Variants in GNB4 observed in about 807,000 individuals in gnomAD.
GNB4 encodes the protein G protein subunit beta 4, also known as guanine nucleotide-binding protein subunit beta-4.
Under a neutral mutation model 45.2 loss-of-function variants are expected in GNB4, and 28 were observed. The ratio of observed to expected loss-of-function variants is 0.62; its 90% CI spans 0.46 to 0.85. The LOEUF is 0.85. Among genes scored for constraint, GNB4 ranks in the 40% least tolerant of loss-of-function variants. The probability of loss-of-function intolerance (pLI) is 0.00; values close to 1 mark genes in which losing one functional copy is unlikely to be tolerated. For synonymous variants in GNB4, 132 were observed against 143.7 expected, an observed-to-expected ratio of 0.92 and a Z score of 0.58; for missense variants, 321 against 425.4, an observed-to-expected ratio of 0.75 and a Z score of 2.16.
intron 8 of GNB4, among the ~76,000 whole-genome samples, chr3:179,413,051 T>G (rs1173568485): frequency 6.6e-6 from 1 of 151,810 alleles, no homozygotes; most frequent in Admixed American, 6.6e-5. Context: ...TGGTGGTGTG[T>G]ACCTGTAATC....
chr3:179,472,069 T>C, the GNB4 span, among the ~76,000 whole-genome samples: 1 of 152,224 alleles, frequency 6.6e-6, no homozygotes, highest in Admixed American at 6.5e-5. Context: ...GTCACAAATA[T>C]TATTTTTTAT....
Position 179,420,908 on chromosome 3 carries a change from T to C in GNB4, c.77A>G (p.Asn26Ser), listed in dbSNP as rs773316571. The change falls in exon 3 of 10, where the codon AAT (asparagine) becomes AGT (serine). Residue 26 changes from asparagine (N) to serine (S), a missense_variant. Asn to Ser is a conservative substitution (Grantham distance 46, BLOSUM62 1). Coordinates refer to ENST00000232564, the MANE Select transcript of GNB4 (RefSeq NM_021629.4). ...CTTTACCTGAACAAGCGTTGCATCA[T>C]TACATGCTTTCCGAGCATCCTGAAG... Reference protein sequence around the residue: ...NQIQDARKACNDATLVQITSN... With the variant: ...NQIQDARKACSDATLVQITSN... 6.3e-7 allele frequency: 1 copy of C among 1,591,278 alleles called. No individual in the cohort carries two copies.
the GNB4 span, among the ~76,000 whole-genome samples, chr3:179,464,148 G>T: frequency 6.6e-6 from 1 of 151,968 alleles, no homozygotes; most frequent in South Asian, 2.1e-4. Context: ...CCCCTCCTCT[G>T]GGCCAAGGGC....
At chr3:179,523,098 G>A in the GNB4 span, among the ~76,000 whole-genome samples, 2 of 150,876 alleles carry the variant, frequency 1.3e-5, no homozygotes, top group African/African-American at 4.8e-5. Flanking sequence ...GTATCCAAAT[G>A]TGGAAGTACC....
At chr3:179,521,093 A>T in the GNB4 span, among the ~76,000 whole-genome samples, 2 of 152,254 alleles carry the variant, frequency 1.3e-5, no homozygotes, top group South Asian at 2.1e-4. Context: ...GATATTACTC[A>T]CATGCCCCAA....
chr3:179,446,166 A>G (rs1455057050), intron 1 of GNB4, among the ~76,000 whole-genome samples: 2 of 152,250 alleles, frequency 1.3e-5, no homozygotes, highest in East Asian at 3.8e-4. Context: ...TATTGCTCCA[A>G]AGGAAATTCT....
At chr3:179,506,712 A>G in the GNB4 span, among the ~76,000 whole-genome samples, 2 of 152,150 alleles carry the variant, frequency 1.3e-5, no homozygotes, top group Non-Finnish European at 2.9e-5. Flanking sequence ...GAAGTCAGTT[A>G]CTTTCTTCAT....
chr3:179,477,716 A>G, the GNB4 span, among the ~76,000 whole-genome samples: 1 of 152,134 alleles, frequency 6.6e-6, no homozygotes, highest in African/African-American at 2.4e-5. Context: ...TATTTTTTTA[A>G]TGTAAAAAAT....
chr3:179,412,913 C>T (rs1714691561), intron 8 of GNB4, among the ~76,000 whole-genome samples: 1 of 151,898 alleles, frequency 6.6e-6, no homozygotes, highest in African/African-American at 2.4e-5. Flanking sequence ...GGAACAGTGG[C>T]TCATGCCTGT....
At chr3:179,484,750 C>T in the GNB4 span, among the ~76,000 whole-genome samples, 1 of 151,720 alleles carries the variant, frequency 6.6e-6, no homozygotes, top group East Asian at 1.9e-4. Context: ...AATTTTCTTC[C>T]GACATTAGTT....
At chr3:179,468,442 C>A in the GNB4 span, among the ~76,000 whole-genome samples, 1 of 151,794 alleles carries the variant, frequency 6.6e-6, no homozygotes, top group African/African-American at 2.4e-5. Context: ...TTGCGGTAAG[C>A]CGAGATCATA....
chr3:179,443,133 C>T (rs1195991106), intron 1 of GNB4, among the ~76,000 whole-genome samples: 4 of 152,188 alleles, frequency 2.6e-5, no homozygotes, highest in African/African-American at 9.7e-5. Flanking sequence ...CAAGCATTAC[C>T]ATCTAGCTTA....
the GNB4 span, among the ~76,000 whole-genome samples, chr3:179,478,876 T>C: frequency 3.3e-5 from 5 of 152,208 alleles, no homozygotes; most frequent in African/African-American, 1.2e-4. Context: ...TCATGATATC[T>C]GGTTGTTTAG....
intron 8 of GNB4, among the ~76,000 whole-genome samples, chr3:179,409,192 A>G (rs1389757825): frequency 6.6e-6 from 1 of 151,704 alleles, no homozygotes; most frequent in Non-Finnish European, 1.5e-5. Flanking sequence ...TTCCAAATCA[A>G]TGACATCAGC....
intron 1 of GNB4, among the ~76,000 whole-genome samples, chr3:179,438,797 A>AG (rs1242530201): frequency 6.6e-6 from 1 of 152,164 alleles, no homozygotes; most frequent in Non-Finnish European, 1.5e-5. Context: ...GTGGTTTCAA[A>AG]GGGGGAGAGA....
the GNB4 span, among the ~76,000 whole-genome samples, chr3:179,464,028 T>C: frequency 6.6e-6 from 1 of 152,202 alleles, no homozygotes; most frequent in African/African-American, 2.4e-5. Context: ...AATCAATGTG[T>C]TACTTCACTT....
chr3:179,512,415 A>G, the GNB4 span, among the ~76,000 whole-genome samples: 3 of 152,240 alleles, frequency 2.0e-5, no homozygotes, highest in Non-Finnish European at 2.9e-5. Flanking sequence ...TTCAAATGCT[A>G]CATTTAGAGA....
At position 179,399,787 on chromosome 3, in the gene GNB4, CAA is replaced by C. The variant is rs1714231092; in HGVS notation, c.*1424_*1425del. ...TCTGAAAAGTAACTAAGTTACAAAA[CAA>C]TGCACGTCTATATATCAGAATAATC... On this transcript the variant is annotated 3_prime_UTR_variant, in exon 10 of 10. Coordinates refer to ENST00000232564, the MANE Select transcript of GNB4 (RefSeq NM_021629.4). 1 of 152,148 alleles carries C rather than the reference CAA, an allele frequency of 6.6e-6. No individual in the cohort carries two copies. The highest frequency in any genetic ancestry group is 1.5e-5 in the Non-Finnish European group (1 of 68,028). 9.4% of individuals were successfully genotyped at this position (152,148 alleles called of 1,614,324 possible).
intron 1 of GNB4, among the ~76,000 whole-genome samples, chr3:179,429,862 T>C (rs1715253971): frequency 6.6e-6 from 1 of 152,226 alleles, no homozygotes; most frequent in South Asian, 2.1e-4. Context: ...CTGCTTTTGC[T>C]ATCAAATATT....
Sources: allele counts gnomAD v4.1 joint callset (sites outside exome capture counted in the v4.1 genomes callset), GRCh38; gene constraint gnomAD v4.1.1; transcripts MANE v1.5; gene names NCBI Gene and HGNC (gene_info 2026-07-23, HGNC 2026-07-21).